The following PLCG2 variants were observed in gnomAD, a reference collection of about 807,000 sequenced individuals.
The protein encoded by PLCG2 is 1-phosphatidylinositol 4,5-bisphosphate phosphodiesterase gamma-2.
Under a neutral mutation model 175.6 loss-of-function variants are expected in PLCG2, and 69 were observed. The ratio of observed to expected loss-of-function variants is 0.39; its 90% CI spans 0.32 to 0.48. The LOEUF is 0.48. Ranked by LOEUF, PLCG2 falls within the 20% of genes least tolerant of loss-of-function variation. The probability of loss-of-function intolerance (pLI) is 0.91; values close to 1 mark genes in which losing one functional copy is unlikely to be tolerated. For missense variants in PLCG2, 1,798 were observed against 1,650.9 expected (o/e 1.09, Z -1.54); for synonymous variants, 827 against 624.0 (o/e 1.33, Z -4.85).
At chr16:81,776,716 G>A (rs1366720037), upstream of PLCG2, among the ~76,000 whole-genome samples, 1 of 152,128 alleles carries the variant, frequency 6.6e-6, no homozygotes, top group Non-Finnish European at 1.5e-5. Context: ...CACCATGCCT[G>A]GGTAATTTTT....
chr16:81,882,930 C>G (rs895306156), intron 8 of PLCG2, among the ~76,000 whole-genome samples: 4 of 151,974 alleles, frequency 2.6e-5, no homozygotes, highest in Admixed American at 2.0e-4. Flanking sequence ...TCTTGCTACA[C>G]TGTATCCCAT....
At chr16:81,915,034 A>G (rs1909784803) in intron 19 of PLCG2, among the ~76,000 whole-genome samples, 1 of 152,046 alleles carries the variant, frequency 6.6e-6, no homozygotes, top group South Asian at 2.1e-4. Context: ...ACTTTTTCAA[A>G]CCCTCTCTGG....
intron 6 of PLCG2, among the ~76,000 whole-genome samples, chr16:81,869,629 A>G (rs1206634274): frequency 1.3e-5 from 2 of 152,168 alleles, no homozygotes; most frequent in Non-Finnish European, 2.9e-5. Flanking sequence ...GAATGCATGT[A>G]TGTCTTTTGG....
intron 2 of PLCG2, among the ~76,000 whole-genome samples, chr16:81,803,397 C>G (rs1047194975): frequency 1.3e-5 from 2 of 152,118 alleles, no homozygotes; most frequent in African/African-American, 4.8e-5. Flanking sequence ...ATCAACACTT[C>G]ATTCCTTTTT....
At chr16:81,786,265 T>G (rs1910968298) in intron 2 of PLCG2, 83 bp downstream of exon 2, 1 of 1,112,022 alleles carries the variant, frequency 9.0e-7, no homozygotes, top group Non-Finnish European at 1.3e-6. Flanking sequence ...GTCTTGTCAT[T>G]ACTGTGATTG....
intron 13 of PLCG2, chr16:81,897,994 C>CT: frequency 2.5e-6 from 1 of 404,148 alleles, no homozygotes; most frequent in Non-Finnish European, 5.0e-6. Context: ...GCATTCTCCC[C>CT]TGTGGGGTCC....
chr16:81,756,175 A>T (rs183522849), intron 2 of PLCG2, among the ~76,000 whole-genome samples: 81 of 152,374 alleles, frequency 5.3e-4, no homozygotes, highest in African/African-American at 1.9e-3. Context: ...TAGGGCTGCT[A>T]AGCCCAGGAA....
upstream of PLCG2, among the ~76,000 whole-genome samples, chr16:81,778,039 A>AC (rs777309038): frequency 0.12 from 9,806 of 80,308 alleles, 1,267 homozygotes; most frequent in African/African-American, 0.25. Flanking sequence ...AAACAAAAAA[A>AC]AAACAAAAAA....
At chr16:81,852,477 C>A (rs1906466989) in intron 2 of PLCG2, among the ~76,000 whole-genome samples, 1 of 139,518 alleles carries the variant, frequency 7.2e-6, no homozygotes, top group South Asian at 2.3e-4. Context: ...AAAGAAGGGA[C>A]TGGTTGAGCT....
intron 22 of PLCG2, among the ~76,000 whole-genome samples, chr16:81,925,460 C>A (rs1421006349): frequency 6.6e-6 from 1 of 151,758 alleles, no homozygotes; most frequent in Non-Finnish European, 1.5e-5. Context: ...TGCGGGGGGG[C>A]GTGAAAAGGG....
chr16:81,816,777 C>T (rs1567479168), intron 2 of PLCG2, among the ~76,000 whole-genome samples: 1 of 141,540 alleles, frequency 7.1e-6, no homozygotes, highest in Non-Finnish European at 1.5e-5. Context: ...GCTGGGATTA[C>T]AGGCATTAGC....
intron 1 of PLCG2, among the ~76,000 whole-genome samples, chr16:81,747,091 G>C: frequency 6.6e-6 from 1 of 152,100 alleles, no homozygotes; most frequent in East Asian, 1.9e-4. Flanking sequence ...CAGTACTAGC[G>C]ATAGTATTAA....
chr16:81,739,195 G>C (rs1291217963), exon 1 of PLCG2: 11 of 152,190 alleles, frequency 7.2e-5, no homozygotes, highest in Admixed American at 7.2e-4. Flanking sequence ...GACCAGAGAA[G>C]CTGGTGGTCG....
intron 1 of PLCG2, among the ~76,000 whole-genome samples, chr16:81,745,311 T>TG (rs1909682946): frequency 6.6e-6 from 1 of 152,194 alleles, no homozygotes; most frequent in Admixed American, 6.5e-5. Context: ...CCTTCTTGGA[T>TG]GACCTGTGGC....
At chr16:81,803,522 C>A (rs55824979) in intron 2 of PLCG2, among the ~76,000 whole-genome samples, 1 of 130,142 alleles carries the variant, frequency 7.7e-6, no homozygotes, top group Non-Finnish European at 1.8e-5. Flanking sequence ...TTTGTTCTTT[C>A]TTTCCTTTCT....
chr16:81,906,321 T>C (rs1909369368), intron 15 of PLCG2: 1 of 152,284 alleles, frequency 6.6e-6, no homozygotes, highest in Admixed American at 6.5e-5. Context: ...ACTTTAATGC[T>C]GCCTCTATCC....
chr16:81,825,335 CT>C, intron 2 of PLCG2, among the ~76,000 whole-genome samples: 1 of 139,730 alleles, frequency 7.2e-6, no homozygotes, highest in East Asian at 2.1e-4. Context: ...GTCACCCAGG[CT>C]GGAGTGCAAT....
At chr16:81,878,086 ATTC>A (rs1907900429) in intron 7 of PLCG2, among the ~76,000 whole-genome samples, 1 of 135,378 alleles carries the variant, frequency 7.4e-6, no homozygotes, top group African/African-American at 2.8e-5. Context: ...GGTTCACGCC[ATTC>A]TTCTGCCTCA....
At chr16:81,786,287 A>T (rs1910968916) in intron 2 of PLCG2, 105 bp downstream of exon 2, 3 of 925,098 alleles carry the variant, frequency 3.2e-6, no homozygotes, top group Admixed American at 2.6e-5. Flanking sequence ...TGTTGGTTTG[A>T]TGTGTTCTTT....
Sources: gnomAD v4.1 joint callset for allele counts (sites outside exome capture counted in the v4.1 genomes callset) on GRCh38, gnomAD v4.1.1 for gene constraint, MANE v1.5 for transcripts, NCBI Gene and HGNC (gene_info 2026-07-23, HGNC 2026-07-21) for gene names.